The following HAPSTR1 variants were observed in gnomAD, a reference collection of about 807,000 sequenced individuals.
The protein encoded by HAPSTR1 is HUWE1-associated protein modifying stress responses 1.
At chr16:9,119,835 C>G in the HAPSTR1 span, 16 of 152,134 alleles carry the variant, frequency 1.1e-4, no homozygotes, top group Admixed American at 2.0e-4. Context: ...TCATTAAACT[C>G]GAATAATTGT....
the HAPSTR1 span, chr16:9,105,496 T>G: frequency 6.6e-6 from 1 of 152,178 alleles, no homozygotes; most frequent in African/African-American, 2.4e-5. Context: ...GTAGTTTAAT[T>G]TGAATATTTA....
At chr16:9,115,058 AATGG>A in the HAPSTR1 span, among the ~76,000 whole-genome samples, 52 of 152,166 alleles carry the variant, frequency 3.4e-4, no homozygotes, top group African/African-American at 1.1e-3. Flanking sequence ...TGCAGAAAGG[AATGG>A]GGGCACCTAG....
chr16:9,100,541 CTTTTTT>C, the HAPSTR1 span, among the ~76,000 whole-genome samples: 1 of 148,240 alleles, frequency 6.7e-6, no homozygotes, highest in Non-Finnish European at 1.5e-5. Flanking sequence ...CTTACTTCAT[CTTTTTT>C]TTTTGAGAGA....
At chr16:9,114,928 G>A in the HAPSTR1 span, among the ~76,000 whole-genome samples, 12 of 152,276 alleles carry the variant, frequency 7.9e-5, no homozygotes, top group South Asian at 2.5e-3. Context: ...TTTTTAATAG[G>A]TGCTAGCCTT....
the HAPSTR1 span, among the ~76,000 whole-genome samples, chr16:9,097,163 C>T: frequency 2.0e-5 from 3 of 151,876 alleles, no homozygotes; most frequent in South Asian, 6.2e-4. Context: ...TGGTCTTGAA[C>T]TCCTGACCTC....
chr16:9,112,636 A>T, the HAPSTR1 span: 1 of 152,244 alleles, frequency 6.6e-6, no homozygotes, highest in African/African-American at 2.4e-5. Flanking sequence ...ACTGAATTAC[A>T]TGTAATTAAT....
chr16:9,103,417 A>C, the HAPSTR1 span: 1 of 743,514 alleles, frequency 1.3e-6, no homozygotes, highest in South Asian at 2.2e-5. Flanking sequence ...TAAGAACTTA[A>C]TATGGGCGAT....
the HAPSTR1 span, among the ~76,000 whole-genome samples, chr16:9,114,401 A>T: frequency 6.6e-6 from 1 of 152,078 alleles, no homozygotes; most frequent in African/African-American, 2.4e-5. Flanking sequence ...GCCAGCAGGA[A>T]ACTAAAATGG....
the HAPSTR1 span, chr16:9,117,745 A>C: frequency 6.6e-6 from 1 of 152,440 alleles, no homozygotes; most frequent in Admixed American, 6.5e-5. Flanking sequence ...GAACTTTGAG[A>C]ATGGGCTTCC....
chr16:9,093,474 T>C, the HAPSTR1 span, among the ~76,000 whole-genome samples: 3 of 152,318 alleles, frequency 2.0e-5, no homozygotes, highest in African/African-American at 7.2e-5. Context: ...GGACGAACTT[T>C]ATGGAAAAGA....
chr16:9,105,585 C>G, the HAPSTR1 span: 1 of 152,154 alleles, frequency 6.6e-6, no homozygotes, highest in Non-Finnish European at 1.5e-5. Flanking sequence ...ACTGGGTGTC[C>G]TTATTATCTG....
the HAPSTR1 span, chr16:9,110,586 A>G: frequency 2.6e-5 from 4 of 152,234 alleles, no homozygotes; most frequent in Admixed American, 2.0e-4. Context: ...AATTTCTTAG[A>G]CAATTGATAA....
At chr16:9,101,767 T>C in the HAPSTR1 span, among the ~76,000 whole-genome samples, 66 of 150,628 alleles carry the variant, frequency 4.4e-4, 1 homozygote, top group African/African-American at 1.5e-3. Flanking sequence ...TTCTGGAACA[T>C]AGCTTTACAT....
chr16:9,093,179 C>T, the HAPSTR1 span, among the ~76,000 whole-genome samples: 3 of 152,030 alleles, frequency 2.0e-5, no homozygotes, highest in Non-Finnish European at 4.4e-5. Context: ...TTTGACACCT[C>T]CCTCCGCCCC....
At chr16:9,093,216 C>A in the HAPSTR1 span, among the ~76,000 whole-genome samples, 94 of 152,212 alleles carry the variant, frequency 6.2e-4, no homozygotes, top group Non-Finnish European at 8.2e-4. Flanking sequence ...CGCCTGGGGA[C>A]GTTTTTGGTT....
the HAPSTR1 span, chr16:9,106,326 C>G: frequency 6.8e-6 from 1 of 147,796 alleles, no homozygotes; most frequent in African/African-American, 2.5e-5. Flanking sequence ...GAGTGTCGCT[C>G]TATAGCCCAG....
At chr16:9,102,666 C>G in the HAPSTR1 span, among the ~76,000 whole-genome samples, 5 of 152,116 alleles carry the variant, frequency 3.3e-5, no homozygotes, top group African/African-American at 1.2e-4. Flanking sequence ...ATTTAGACAT[C>G]TGTTGAATGA....
At chr16:9,096,640 G>A in the HAPSTR1 span, among the ~76,000 whole-genome samples, 1 of 152,202 alleles carries the variant, frequency 6.6e-6, no homozygotes, top group Non-Finnish European at 1.5e-5. Context: ...GACTGGTGGA[G>A]CTGGTTTGTG....
At chr16:9,093,093 AG>A in the HAPSTR1 span, 599 of 1,246,100 alleles carry the variant, frequency 4.8e-4, 1 homozygote, top group African/African-American at 7.8e-3. Context: ...TCTGCTCCCC[AG>A]CCCAGCTGCT....
Sources: gnomAD v4.1 joint callset for allele counts (sites outside exome capture counted in the v4.1 genomes callset) on GRCh38, gnomAD v4.1.1 for gene constraint, MANE v1.5 for transcripts, NCBI Gene and HGNC (gene_info 2026-07-23, HGNC 2026-07-21) for gene names.